The following SLC2A9 variants were observed in gnomAD, a reference collection of about 807,000 sequenced individuals.
SLC2A9 encodes solute carrier family 2 member 9.
Under a neutral mutation model 50.6 loss-of-function variants are expected in SLC2A9, and 39 were observed. The ratio of observed to expected loss-of-function variants is 0.77; its 90% CI spans 0.60 to 1.01. The LOEUF is 1.01. Among genes scored for constraint, SLC2A9 ranks in the 50% least tolerant of loss-of-function variants. The pLI is 0.00. For synonymous variants in SLC2A9, 324 were observed against 276.9 expected (o/e 1.17, Z -1.69); for missense variants, 686 against 677.6 (o/e 1.01, Z -0.14).
At chr4:9,918,440 C>T (rs1347834454) in intron 7 of SLC2A9, among the ~76,000 whole-genome samples, 2 of 152,172 alleles carry the variant, frequency 1.3e-5, no homozygotes, top group African/African-American at 2.4e-5. Flanking sequence ...GACTTGTCCC[C>T]ATGGCTGCCT....
chr4:9,906,503 G>A (rs1740688052), intron 8 of SLC2A9, among the ~76,000 whole-genome samples: 1 of 152,176 alleles, frequency 6.6e-6, no homozygotes, highest in South Asian at 2.1e-4. Flanking sequence ...GTGAACAAAA[G>A]CAGATCAGAG....
chr4:9,877,169 G>T (rs897288850), intron 10 of SLC2A9, among the ~76,000 whole-genome samples: 7 of 152,206 alleles, frequency 4.6e-5, no homozygotes, highest in Admixed American at 4.6e-4. Context: ...GATACTTAAG[G>T]TAATTGGGGT....
downstream of SLC2A9, among the ~76,000 whole-genome samples, chr4:9,775,278 A>C (rs1394215999): frequency 6.6e-6 from 1 of 152,142 alleles, no homozygotes; most frequent in Non-Finnish European, 1.5e-5. Context: ...GGAGACTCTC[A>C]TGAGCAAAGT....
intron 10 of SLC2A9, among the ~76,000 whole-genome samples, chr4:9,866,739 C>T (rs766586417): frequency 9.2e-5 from 14 of 152,286 alleles, no homozygotes; most frequent in African/African-American, 2.9e-4. Context: ...CCCATCCATG[C>T]GTGTGAGCTG....
chr4:9,836,976 A>G (rs1261733846), intron 10 of SLC2A9, among the ~76,000 whole-genome samples: 2 of 152,212 alleles, frequency 1.3e-5, no homozygotes. Context: ...CAAAGCCACA[A>G]AGCCAAGGCC....
chr4:9,937,577 G>T (rs1398000201), intron 6 of SLC2A9, among the ~76,000 whole-genome samples: 1 of 152,214 alleles, frequency 6.6e-6, no homozygotes, highest in Non-Finnish European at 1.5e-5. Context: ...CTCTGAGGCA[G>T]TGCGTCCCCA....
intron 10 of SLC2A9, among the ~76,000 whole-genome samples, chr4:9,866,723 G>T (rs574482636): frequency 2.0e-4 from 31 of 152,286 alleles, no homozygotes; most frequent in African/African-American, 7.2e-4. Flanking sequence ...CACCTTGGAC[G>T]TACTCCCCAT....
intron 5 of SLC2A9, among the ~76,000 whole-genome samples, chr4:9,965,390 C>T (rs1435494053): frequency 1.3e-5 from 2 of 152,256 alleles, no homozygotes; most frequent in South Asian, 2.1e-4. Flanking sequence ...CTGTATTTTA[C>T]GGATTAACCA....
At position 9,841,579 on chromosome 4, in the gene SLC2A9, T is replaced by C. The variant is rs146537115; in HGVS notation, c.1292-6571A>G. Among the ~76,000 whole-genome samples the C allele has an allele frequency of 8.1e-4, 124 of 152,298 alleles. 1 individual carries two copies. Among genetic ancestry groups the C allele is most frequent in the Non-Finnish European group, 1.6e-3 (107 of 68,022 alleles). On this transcript the variant is annotated intron_variant, in intron 10 of 11. Coordinates refer to ENST00000264784, the MANE Select transcript of SLC2A9 (RefSeq NM_020041.3). ...GGCTTTCACATCACAGTTTGAGATC[T>C]GAGTACTAACTTTCAGTAAGTTTTC... is the stretch of plus-strand genomic sequence containing the variant.
intron 7 of SLC2A9, among the ~76,000 whole-genome samples, chr4:9,918,165 T>A (rs1360876497): frequency 3.3e-5 from 5 of 152,134 alleles, no homozygotes; most frequent in African/African-American, 1.2e-4. Context: ...TTTACGGATG[T>A]CTCCAGTGAC....
chr4:9,799,702 C>CCCG (rs1553813200), intron 3 of SLC2A9, among the ~76,000 whole-genome samples: 3 of 129,960 alleles, frequency 2.3e-5, no homozygotes, highest in Admixed American at 7.6e-5. Flanking sequence ...ACCCCCCCCC[C>CCCG]ACCCAACTTC....
intron 10 of SLC2A9, among the ~76,000 whole-genome samples, 164 bp downstream of exon 10, chr4:9,887,403 C>T (rs909636100): frequency 5.3e-5 from 8 of 152,192 alleles, no homozygotes; most frequent in African/African-American, 1.7e-4. Context: ...TGCAGACAGT[C>T]GGCTACATTT....
intron 10 of SLC2A9, among the ~76,000 whole-genome samples, chr4:9,856,371 A>G (rs746329360): frequency 6.6e-6 from 1 of 152,350 alleles, no homozygotes; most frequent in African/African-American, 2.4e-5. Context: ...AAAATGCTCA[A>G]TATCGGTAAT....
At chr4:9,898,484 T>C (rs183199995) in intron 8 of SLC2A9, among the ~76,000 whole-genome samples, 1 of 152,372 alleles carries the variant, frequency 6.6e-6, no homozygotes, top group East Asian at 1.9e-4. Flanking sequence ...TTGTATTCAA[T>C]GTGTATATCT....
rs1743719655 is a variant in SLC2A9 at position 9,920,458 on chromosome 4, G to A, written c.929C>T (p.Ala310Val). 1.9e-6 allele frequency: 3 copies of A among 1,614,184 alleles called. No homozygotes were observed. The highest frequency in any genetic ancestry group is 2.5e-6 in the Non-Finnish European group (3 of 1,180,020). ...GACCACCTGCCAGCGGACGTAGGGAGCTCTCAGCAGCTCCAGCACGGACAC... is the reference window on the plus strand; with the variant it reads ...GACCACCTGCCAGCGGACGTAGGGAACTCTCAGCAGCTCCAGCACGGACAC... ...RLVSVLELLR[A>V]PYVRWQVVTV... The change falls in exon 7 of 12, where the codon GCT becomes GTT. Residue 310 changes from alanine to valine, a missense_variant. Physicochemically the swap from Ala to Val is moderately conservative, Grantham distance 64. Coordinates refer to ENST00000264784, the MANE Select transcript of SLC2A9 (RefSeq NM_020041.3).
chr4:9,850,715 C>T (rs1000533724), intron 10 of SLC2A9, among the ~76,000 whole-genome samples: 1 of 152,166 alleles, frequency 6.6e-6, no homozygotes, highest in African/African-American at 2.4e-5. Context: ...TGCCCCACTC[C>T]CCCACCATCC....
intron 1 of SLC2A9, among the ~76,000 whole-genome samples, chr4:9,774,730 C>G (rs1273024673): frequency 1.3e-5 from 2 of 152,054 alleles, no homozygotes; most frequent in Non-Finnish European, 2.9e-5. Context: ...TCCTCCTTCT[C>G]ATTTTCCTTC....
Position 10,018,956 on chromosome 4 carries a change from G to C in SLC2A9, c.249+19C>G, listed in dbSNP as rs1442715472. ...CGCAGGGCCGCAGCGCCCTCTGCCG[G>C]GCCTTGGCGCGCACTCACCGGGGTG... On this transcript the variant is annotated intron_variant, in intron 2 of 11. Transcript: ENST00000264784. 1 of 1,548,382 alleles carries C rather than the reference G, an allele frequency of 6.5e-7. No homozygotes were observed. The highest frequency in any genetic ancestry group is 2.0e-5 in the Admixed American group (1 of 51,000).
chr4:9,985,644 C>A, intron 4 of SLC2A9, 25 bp downstream of exon 4: 1 of 1,613,860 alleles, frequency 6.2e-7, no homozygotes, highest in Non-Finnish European at 8.5e-7. Context: ...GTTACTGTTC[C>A]CTCCCCGTCA....
Sources: gnomAD v4.1 joint callset for allele counts (sites outside exome capture counted in the v4.1 genomes callset) on GRCh38, gnomAD v4.1.1 for gene constraint, MANE v1.5 for transcripts, NCBI Gene and HGNC (gene_info 2026-07-23, HGNC 2026-07-21) for gene names.